MYO18B: variants seen among roughly 807,000 people sequenced by gnomAD.
The protein encoded by MYO18B is unconventional myosin-XVIIIb.
A neutral mutation model predicts 273.0 loss-of-function variants in MYO18B; 204 were observed. That is an observed-to-expected ratio of 0.75 (90% CI 0.67 to 0.84). MYO18B has a LOEUF of 0.84. Among genes scored for constraint, MYO18B ranks in the 40% least tolerant of loss-of-function variants. MYO18B has a pLI of 0.00. For missense variants in MYO18B, 3,212 were observed against 3,287.6 expected (o/e 0.98, Z 0.56); for synonymous variants, 1,330 against 1,305.7 (o/e 1.02, Z -0.40).
intron 34 of MYO18B, among the ~76,000 whole-genome samples, chr22:25,940,869 A>G (rs1296951402): frequency 6.6e-6 from 1 of 152,218 alleles, no homozygotes. Flanking sequence ...AGGACTTGGA[A>G]TGAACATTTT....
rs373482936 is a variant in MYO18B at position 25,768,399 on chromosome 22, C to A, written c.483C>A (p.Asp161Glu). ...TGTTGTTGATGGTGGCCAAGCTGGA[C>A]CCGGACTCAGCCAAGCCAGAGAAGA... ...GDVLLMVAKL[D>E]PDSAKPEKTH... The change falls in exon 4 of 44, where the codon GAC becomes GAA. Residue 161 changes from aspartate (D) to glutamate (E), a missense_variant. Coordinates refer to ENST00000335473, the MANE Select transcript of MYO18B (RefSeq NM_032608.7). 1 of 1,613,740 alleles carries A rather than the reference C, an allele frequency of 6.2e-7. No individual in the cohort carries two copies. The highest frequency in any genetic ancestry group is 1.1e-5 in the South Asian group (1 of 91,018).
the MYO18B span, among the ~76,000 whole-genome samples, chr22:26,043,373 C>G: frequency 2.3e-4 from 35 of 152,030 alleles, no homozygotes; most frequent in Non-Finnish European, 4.4e-5. Context: ...CATTTGTGTT[C>G]AAGGCTTTTT....
intron 1 of MYO18B, among the ~76,000 whole-genome samples, chr22:25,753,494 C>G (rs1039438982): frequency 2.6e-5 from 4 of 152,186 alleles, no homozygotes; most frequent in African/African-American, 7.2e-5. Flanking sequence ...TGAAAGCAGG[C>G]TGCCAGCACC....
rs2877299 is a variant in MYO18B at position 25,797,857 on chromosome 22, C to T, written c.2377-96C>T. 1,055,106 of 1,558,854 alleles carry T rather than the reference C, an allele frequency of 0.68. 363,428 individuals carry two copies. Among genetic ancestry groups the T allele is most frequent in the Non-Finnish European group, 0.71 (802,354 of 1,134,518 alleles). On this transcript the variant is annotated intron_variant, in intron 11 of 43. Transcript: ENST00000335473. ...TTTATTGTGGCAATAAAATGACCCC[C>T]GCATTCCTTCGAGACGGAGCTCAGC...
the MYO18B span, among the ~76,000 whole-genome samples, chr22:26,055,622 C>T: frequency 3.3e-5 from 5 of 152,320 alleles, no homozygotes; most frequent in South Asian, 1.0e-3. Flanking sequence ...CTTTATCTTT[C>T]TGGTTTATCA....
At chr22:25,984,884 C>T (rs2093184996) in intron 39 of MYO18B, among the ~76,000 whole-genome samples, 2 of 152,012 alleles carry the variant, frequency 1.3e-5, no homozygotes, top group African/African-American at 4.8e-5. Context: ...GAATGAAACA[C>T]TTGGCTTGGT....
chr22:25,945,658 G>T (rs2092694920), intron 34 of MYO18B, among the ~76,000 whole-genome samples: 1 of 150,984 alleles, frequency 6.6e-6, no homozygotes, highest in African/African-American at 2.4e-5. Flanking sequence ...GGACATTGAA[G>T]GAGGCAGCCT....
At chr22:25,811,614 T>C (rs2088764920) in intron 12 of MYO18B, among the ~76,000 whole-genome samples, 1 of 152,246 alleles carries the variant, frequency 6.6e-6, no homozygotes, top group Non-Finnish European at 1.5e-5. Context: ...CTTTGTTCTA[T>C]GCCCTTTGCT....
rs371665951 is a variant in MYO18B, at chr22:25,792,978, C to A, written c.2377-4975C>A. 1.0e-3 allele frequency among the ~76,000 whole-genome samples: 154 copies of A among 152,150 alleles called. 1 individual carries two copies. The highest frequency in any genetic ancestry group is 3.5e-3 in the African/African-American group (145 of 41,514). ...CCTGTCCCCTTCAGTGGACTGGGAG[C>A]CCCTTGAGGGCAGGGTCATACCCGA... On this transcript the variant is annotated intron_variant, in intron 11 of 43. Coordinates refer to ENST00000335473, the MANE Select transcript of MYO18B (RefSeq NM_032608.7).
chr22:25,977,824 G>A (rs1392635459), intron 39 of MYO18B, among the ~76,000 whole-genome samples: 1 of 152,202 alleles, frequency 6.6e-6, no homozygotes, highest in African/African-American at 2.4e-5. Flanking sequence ...TCTTCAGCTA[G>A]TCCTATAGCA....
chr22:25,785,346 G>A, intron 10 of MYO18B, 82 bp from the exon 11 acceptor site: 1 of 1,383,242 alleles, frequency 7.2e-7, no homozygotes, highest in Non-Finnish European at 1.0e-6. Flanking sequence ...GTTGTGTGGA[G>A]CCTCACACTG....
In MYO18B at chr22:26,027,618, A is replaced by T; in HGVS notation, c.7644A>T (p.Pro2548=). Residue 2548 remains proline (P), a synonymous_variant, in exon 43 of 44, where the codon CCA becomes CCT. Transcript: ENST00000335473. This position sits in a 1 kb window ranked among gnomAD's most constrained non-coding sequence, Gnocchi z 4.1. ...GAACGTCCCCCGAGCGGAGAGAGCCAGGGACGGGGAGGAAAGACGACGATG... is the reference window on the plus strand; with the variant it reads ...GAACGTCCCCCGAGCGGAGAGAGCCTGGGACGGGGAGGAAAGACGACGATG... ...GERTSPERRE[P]GTGRKDDDVA... The T allele has an allele frequency of 6.2e-7, 1 of 1,613,862 alleles. No homozygotes were observed. The highest frequency in any genetic ancestry group is 8.5e-7 in the Non-Finnish European group (1 of 1,179,838).
At chr22:25,792,234 C>T (rs984976667) in intron 11 of MYO18B, among the ~76,000 whole-genome samples, 46 of 152,320 alleles carry the variant, frequency 3.0e-4, no homozygotes, top group African/African-American at 1.1e-3. Context: ...CCATTGCCTC[C>T]TCTGTTGGTT....
intron 42 of MYO18B, among the ~76,000 whole-genome samples, chr22:26,021,892 G>A (rs1479865211): frequency 6.6e-6 from 1 of 152,200 alleles, no homozygotes; most frequent in Non-Finnish European, 1.5e-5. Flanking sequence ...TAGGTATCTA[G>A]TCAGGGGTAG....
the MYO18B span, among the ~76,000 whole-genome samples, chr22:26,048,696 A>G: frequency 6.6e-6 from 1 of 151,928 alleles, no homozygotes; most frequent in Non-Finnish European, 1.5e-5. Context: ...TCCTCTCATT[A>G]TTAAAAAAAA....
At position 25,768,994 on chromosome 22, in the gene MYO18B, C is replaced by G; in HGVS notation, c.1078C>G (p.Gln360Glu). Residue 360 changes from glutamine to glutamate, a missense_variant, in exon 4 of 44, where the codon CAA becomes GAA. Transcript: ENST00000335473. Reference protein sequence around the residue: ...EPQTQMEKTSQVQGELGDDLR... With the variant: ...EPQTQMEKTSEVQGELGDDLR... ...TCAGACCCAGATGGAGAAGACAAGC[C>G]AAGTGCAGGGCGAGTTGGGGGACGA... 1 of 1,611,292 alleles carries G rather than the reference C, an allele frequency of 6.2e-7. No homozygotes were observed. Among genetic ancestry groups the G allele is most frequent in the African/African-American group, 1.3e-5 (1 of 74,986 alleles).
chr22:25,830,560 T>C (rs1475461788), intron 15 of MYO18B, among the ~76,000 whole-genome samples: 1 of 152,174 alleles, frequency 6.6e-6, no homozygotes, highest in Non-Finnish European at 1.5e-5. Flanking sequence ...AGGCCTTGTC[T>C]GGGGTAACCT....
chr22:25,954,643 C>T (rs895181939), intron 38 of MYO18B, among the ~76,000 whole-genome samples: 5 of 152,136 alleles, frequency 3.3e-5, no homozygotes, highest in Non-Finnish European at 7.4e-5. Flanking sequence ...GATTTGAACC[C>T]AGAGGGTCTT....
intron 39 of MYO18B, among the ~76,000 whole-genome samples, chr22:25,961,643 GGA>G (rs1208549633): frequency 6.6e-6 from 1 of 152,158 alleles, no homozygotes; most frequent in African/African-American, 2.4e-5. Context: ...CAGGGCCCGG[GGA>G]ACCACCCTGG....
Sources: gnomAD v4.1 joint callset for allele counts (sites outside exome capture counted in the v4.1 genomes callset) on GRCh38, gnomAD v4.1.1 for gene constraint, Gnocchi (gnomAD v3.1) non-coding constraint, MANE v1.5 for transcripts, NCBI Gene and HGNC (gene_info 2026-07-23, HGNC 2026-07-21) for gene names.